Variants in FBXL17 observed in about 807,000 individuals in gnomAD.
The protein encoded by FBXL17 is F-box and leucine rich repeat protein 17, also known as F-box/LRR-repeat protein 17.
FBXL17 carries 22 observed loss-of-function variants against 66.2 expected under a neutral mutation model. That is an observed-to-expected ratio of 0.33 (90% CI 0.24 to 0.47). The LOEUF is 0.47. Among genes scored for constraint, FBXL17 ranks in the 20% least tolerant of loss-of-function variants. FBXL17 has a pLI of 1.00. For missense variants in FBXL17, 878 were observed against 948.2 expected, an observed-to-expected ratio of 0.93 and a Z score of 0.97; for synonymous variants, 474 against 400.5, an observed-to-expected ratio of 1.18 and a Z score of -2.19.
intron 7 of FBXL17, among the ~76,000 whole-genome samples, chr5:108,009,300 T>TATATATATATAC (rs1554056634): frequency 3.3e-4 from 21 of 63,272 alleles, no homozygotes; most frequent in Non-Finnish European, 5.1e-4. Flanking sequence ...TATATATATA[T>TATATATATATAC]ACATATATAC....
chr5:108,374,542 C>T (rs1288943161), intron 1 of FBXL17, among the ~76,000 whole-genome samples: 1 of 151,984 alleles, frequency 6.6e-6, no homozygotes, highest in African/African-American at 2.4e-5. Context: ...GGCGTGGTGG[C>T]ATGTGCACCT....
intron 4 of FBXL17, among the ~76,000 whole-genome samples, chr5:108,277,385 G>A (rs1757525365): frequency 6.6e-6 from 1 of 151,756 alleles, no homozygotes. Context: ...ACTTTCTGGG[G>A]GAAAAAATGT....
intron 6 of FBXL17, among the ~76,000 whole-genome samples, chr5:108,034,105 A>G (rs1231880605): frequency 6.6e-6 from 1 of 152,106 alleles, no homozygotes; most frequent in Non-Finnish European, 1.5e-5. Context: ...GGTTAATTCT[A>G]TTTATTTCAT....
chr5:108,247,713 A>C (rs1756167212), intron 4 of FBXL17, among the ~76,000 whole-genome samples: 1 of 152,176 alleles, frequency 6.6e-6, no homozygotes, highest in African/African-American at 2.4e-5. Flanking sequence ...CATAGCATTT[A>C]AATTCTGCTG....
chr5:107,997,840 A>G (rs944262711), intron 7 of FBXL17, among the ~76,000 whole-genome samples: 2 of 152,254 alleles, frequency 1.3e-5, no homozygotes, highest in African/African-American at 4.8e-5. Context: ...AATAAACAAA[A>G]TAAAATTCAT....
intron 4 of FBXL17, among the ~76,000 whole-genome samples, chr5:108,333,810 T>C (rs2150243383): frequency 6.6e-6 from 1 of 152,290 alleles, no homozygotes; most frequent in South Asian, 2.1e-4. Flanking sequence ...GAAAGGGTTA[T>C]CTTAAAAGAA....
intron 6 of FBXL17, among the ~76,000 whole-genome samples, chr5:108,093,567 A>G (rs894258469): frequency 2.0e-5 from 3 of 152,204 alleles, no homozygotes; most frequent in African/African-American, 7.2e-5. Context: ...AGGGTCACCA[A>G]TGAAAAAGTA....
intron 6 of FBXL17, among the ~76,000 whole-genome samples, chr5:108,153,405 T>C (rs911669993): frequency 3.9e-5 from 6 of 152,362 alleles, no homozygotes; most frequent in Non-Finnish European, 8.8e-5. Flanking sequence ...CTGGATAAGC[T>C]ACTTCTTTGA....
At chr5:108,055,587 C>T (rs866397408) in intron 6 of FBXL17, among the ~76,000 whole-genome samples, 10 of 115,316 alleles carry the variant, frequency 8.7e-5, no homozygotes, top group East Asian at 5.3e-4. Context: ...ATAGCCTGGG[C>T]GACACAGCGA....
chr5:108,244,306 A>G (rs1419870631), intron 4 of FBXL17, among the ~76,000 whole-genome samples: 1 of 152,208 alleles, frequency 6.6e-6, no homozygotes, highest in Non-Finnish European at 1.5e-5. Context: ...CAGTAATATT[A>G]AACTTTTATT....
intron 7 of FBXL17, among the ~76,000 whole-genome samples, chr5:107,955,321 G>A (rs6886275): frequency 0.88 from 133,649 of 152,172 alleles, 59,132 homozygotes; most frequent in African/African-American, 0.95. Context: ...AGTGTCTAAC[G>A]TGAGTAGCAT....
At chr5:107,885,829 G>T (rs1325781268) in intron 7 of FBXL17, among the ~76,000 whole-genome samples, 3 of 152,062 alleles carry the variant, frequency 2.0e-5, no homozygotes, top group Non-Finnish European at 2.9e-5. Context: ...AAGCAGGCAC[G>T]AGATGTGGGG....
At chr5:108,058,694 A>T (rs1322764370) in intron 6 of FBXL17, among the ~76,000 whole-genome samples, 4 of 152,124 alleles carry the variant, frequency 2.6e-5, no homozygotes, top group Admixed American at 2.0e-4. Context: ...AAAGAAAAGG[A>T]GAATGAAACT....
intron 6 of FBXL17, among the ~76,000 whole-genome samples, chr5:108,172,870 G>A (rs1026196966): frequency 9.2e-5 from 14 of 152,050 alleles, no homozygotes; most frequent in South Asian, 2.1e-4. Context: ...GTGCAATCTC[G>A]GCTCACTGCA....
chr5:108,205,897 T>C (rs944997926), intron 5 of FBXL17, among the ~76,000 whole-genome samples: 3 of 152,032 alleles, frequency 2.0e-5, no homozygotes, highest in Non-Finnish European at 2.9e-5. Context: ...CCACCCTGCC[T>C]GGCTAATTTT....
In FBXL17 at chr5:108,365,103, C is replaced by A. The variant is rs891443926; in HGVS notation, c.1117-108G>T. ...AAACAATATACTAATTAGATTATAG[C>A]ATGAACGATATAATCAAAAGAGAAA... On this transcript the variant is annotated intron_variant, in intron 2 of 8. Transcript: ENST00000542267. 11 of 720,754 alleles carry A rather than the reference C, an allele frequency of 1.5e-5. No individual in the cohort carries two copies. In the African/African-American group the frequency reaches 1.8e-4, roughly 12 times the overall value. 44.6% of individuals were successfully genotyped at this position (720,754 alleles called of 1,614,324 possible).
intron 6 of FBXL17, among the ~76,000 whole-genome samples, chr5:108,024,314 G>A (rs1159822094): frequency 6.6e-6 from 1 of 152,134 alleles, no homozygotes; most frequent in East Asian, 1.9e-4. Flanking sequence ...GCTCATGAAT[G>A]TCAAGCACAA....
chr5:107,959,532 A>T (rs1349300700), intron 7 of FBXL17, among the ~76,000 whole-genome samples: 1 of 151,614 alleles, frequency 6.6e-6, no homozygotes, highest in Non-Finnish European at 1.5e-5. Flanking sequence ...CACTCATCAA[A>T]CTCACCGGTT....
intron 6 of FBXL17, among the ~76,000 whole-genome samples, chr5:108,158,242 A>T (rs1168689338): frequency 1.3e-5 from 2 of 148,364 alleles, no homozygotes; most frequent in Non-Finnish European, 2.9e-5. Flanking sequence ...AAGTATATTA[A>T]AGTGTACAAA....
Sources: allele counts gnomAD v4.1 joint callset (sites outside exome capture counted in the v4.1 genomes callset), GRCh38; gene constraint gnomAD v4.1.1; transcripts MANE v1.5; gene names NCBI Gene and HGNC (gene_info 2026-07-23, HGNC 2026-07-21).